Variants in SEC62 observed in about 807,000 individuals in gnomAD.
SEC62 encodes SEC62 preprotein translocation factor.
In SEC62, 10 loss-of-function variants were observed where a neutral mutation model predicts 47.5. The observed-to-expected ratio is 0.21, with a 90% CI of 0.13 to 0.36. The LOEUF (loss-of-function observed/expected upper bound fraction) is 0.36. SEC62 is among the 10% of genes least tolerant of loss of function. SEC62 has a pLI of 1.00. For missense variants in SEC62, 327 were observed against 464.1 expected, an observed-to-expected ratio of 0.70 and a Z score of 2.71; for synonymous variants, 136 against 150.5, an observed-to-expected ratio of 0.90 and a Z score of 0.71.
rs371839467 is a variant in SEC62 at position 169,992,730 on chromosome 3, A to G, written c.867A>G (p.Pro289=). Residue 289 remains proline, a synonymous_variant, in exon 8 of 8, where the codon CCA becomes CCG. Coordinates refer to ENST00000337002, the MANE Select transcript of SEC62 (RefSeq NM_003262.4). This position sits in a 1 kb window ranked among gnomAD's most constrained non-coding sequence, Gnocchi z 4.0. The part of the protein sequence containing the change: ...RPLYTHEYKG[P]KADLKKDEKS... ...TGTACACACATGAATACAAAGGACC[A>G]AAAGCAGACTTAAAGAAAGATGAGA... The G allele has an allele frequency of 1.5e-5, 25 of 1,614,088 alleles. No individual in the cohort carries two copies. In the African/African-American group the frequency reaches 2.9e-4, roughly 19 times the overall value.
At chr3:169,970,114 A>G (rs1196160346) in intron 1 of SEC62, among the ~76,000 whole-genome samples, 1 of 152,200 alleles carries the variant, frequency 6.6e-6, no homozygotes, top group Non-Finnish European at 1.5e-5. Flanking sequence ...TACCCCTCAA[A>G]GGCTTAATGG....
intron 7 of SEC62, among the ~76,000 whole-genome samples, chr3:169,991,508 T>C (rs1354312164): frequency 2.0e-5 from 3 of 151,168 alleles, no homozygotes; most frequent in African/African-American, 7.3e-5. Context: ...AGCCCAGGAG[T>C]TCAAGACCAG....
chr3:169,985,471 A>G (rs1035604171), intron 5 of SEC62: 1 of 164,556 alleles, frequency 6.1e-6, no homozygotes, highest in African/African-American at 2.4e-5. Context: ...TGAACTCCTG[A>G]CCTCAAGTGA....
Position 169,997,860 on chromosome 3 carries a change from G to A in SEC62, c.*4797G>A, listed in dbSNP as rs1267258676. 1.3e-5 allele frequency: 2 copies of A among 152,110 alleles called. No individual in the cohort carries two copies. The highest frequency in any genetic ancestry group is 4.8e-5 in the African/African-American group (2 of 41,376). The allele number at this position is 152,110 out of a possible 1,614,324, so 9.4% of individuals were successfully genotyped here. ...TGTAAGCTACCAAATAATTTATGAT[G>A]TGGTAGTTATAGGTGTGCATTTAAT... On this transcript the variant is annotated 3_prime_UTR_variant, in exon 8 of 8. Coordinates refer to ENST00000337002, the MANE Select transcript of SEC62 (RefSeq NM_003262.4).
rs142267438 is a variant in SEC62, at chr3:169,996,249, G to C, written c.*3186G>C. ...ATTTATCTACCTGGTTTATGGAATA[G>C]AATTTATTGCTGAATCATGCTCCAG... On this transcript the variant is annotated 3_prime_UTR_variant, in exon 8 of 8. Transcript: ENST00000337002. 64 of 152,736 alleles carry C rather than the reference G, an allele frequency of 4.2e-4. No individual in the cohort carries two copies. The highest frequency in any genetic ancestry group is 1.5e-3 in the African/African-American group (62 of 41,578). 9.5% of individuals were successfully genotyped at this position (152,736 alleles called of 1,614,324 possible).
chr3:169,969,099 G>T lies in SEC62; in HGVS notation c.36+2241G>T, dbSNP rs781232404. Among the ~76,000 whole-genome samples the T allele has an allele frequency of 3.5e-4, 53 of 152,084 alleles. 1 individual carries two copies. The highest frequency in any genetic ancestry group is 1.3e-4 in the Non-Finnish European group (9 of 68,010). On this transcript the variant is annotated intron_variant, in intron 1 of 7. Transcript: ENST00000337002. ...AAAGATCCTGTTGTAGAATTTTTAG[G>T]CAAAAGGTCTGTAATACCAACTGAG... is the stretch of plus-strand genomic sequence containing the variant.
intron 5 of SEC62, 54 bp from the exon 6 acceptor site, chr3:169,985,751 C>T: frequency 7.1e-7 from 1 of 1,417,574 alleles, no homozygotes; most frequent in Non-Finnish European, 9.9e-7. Context: ...TTAAGCATTA[C>T]TTTCTAATGT....
chr3:169,985,485 G>C (rs143350235), intron 5 of SEC62: 1 of 171,644 alleles, frequency 5.8e-6, no homozygotes, highest in Non-Finnish European at 1.2e-5. Flanking sequence ...CAAGTGATCT[G>C]CCCGCCTTGG....
At chr3:169,988,056 AATGTT>A (rs1227500128) in intron 6 of SEC62, among the ~76,000 whole-genome samples, 179 bp from the exon 7 acceptor site, 1 of 152,168 alleles carries the variant, frequency 6.6e-6, no homozygotes, top group Non-Finnish European at 1.5e-5. Flanking sequence ...AATAGTATAA[AATGTT>A]AGGTTGAACA....
intron 3 of SEC62, chr3:169,978,484 G>C (rs1714895366): frequency 6.6e-6 from 1 of 152,128 alleles, no homozygotes; most frequent in Admixed American, 6.6e-5. Context: ...CTGACACTTT[G>C]GGAGACCAAG....
intron 1 of SEC62, among the ~76,000 whole-genome samples, chr3:169,973,383 TG>T (rs1308893628): frequency 1.3e-5 from 2 of 152,226 alleles, no homozygotes; most frequent in African/African-American, 4.8e-5. Context: ...AGTTTTTTGC[TG>T]GGCGTGGTGG....
At chr3:169,988,198 G>C (rs1396596939) in intron 6 of SEC62, 42 bp from the exon 7 acceptor site, 2 of 1,609,216 alleles carry the variant, frequency 1.2e-6, no homozygotes, top group Non-Finnish European at 1.7e-6. Flanking sequence ...TACCATTTAA[G>C]TTTTTATTCT....
In SEC62 at chr3:169,992,324, A is replaced by T. The variant is rs1468975; in HGVS notation, c.731-270A>T. ...CCCTAGAATACCGTGATAGCTGCTA[A>T]ACTAGTCAGGAATTTTTTGTTTTCA... On this transcript the variant is annotated intron_variant, in intron 7 of 7. Transcript: ENST00000337002. The surrounding 1 kb of genome is among the most constrained non-coding windows in gnomAD (Gnocchi z 4.0). 0.18 allele frequency among the ~76,000 whole-genome samples: 26,804 copies of T among 152,088 alleles called. 2,513 individuals are homozygous for T. The highest frequency in any genetic ancestry group is 0.23 in the South Asian group (1,100 of 4,828).
chr3:169,987,477 A>G (rs1715137129), intron 6 of SEC62, among the ~76,000 whole-genome samples: 1 of 152,180 alleles, frequency 6.6e-6, no homozygotes, highest in Non-Finnish European at 1.5e-5. Flanking sequence ...TTTGCTAGAT[A>G]TTTTGCGTAC....
chr3:169,979,955 C>T (rs1714931941), intron 3 of SEC62, among the ~76,000 whole-genome samples: 1 of 151,362 alleles, frequency 6.6e-6, no homozygotes, highest in Admixed American at 6.6e-5. Context: ...ACATGTCTGG[C>T]ATTTAATAAA....
intron 1 of SEC62, 90 bp downstream of exon 1, chr3:169,966,948 A>G (rs1480620492): frequency 2.5e-5 from 4 of 161,344 alleles, no homozygotes; most frequent in East Asian, 1.1e-4. Flanking sequence ...AGCGAAAGCA[A>G]GGGCGAGGTG....
chr3:169,983,399 A>G, intron 5 of SEC62, 146 bp downstream of exon 5: 1 of 468,456 alleles, frequency 2.1e-6, no homozygotes. Flanking sequence ...TTAAAAATCA[A>G]TAATTTCTCT....
At chr3:169,982,519 A>G (rs1009466248) in intron 3 of SEC62, 188 bp from the exon 4 acceptor site, 4 of 605,468 alleles carry the variant, frequency 6.6e-6, no homozygotes, top group African/African-American at 5.6e-5. Context: ...CAACTTTTAT[A>G]TAATTGACTG....
At chr3:169,983,372 TA>T (rs1164295000) in intron 5 of SEC62, 119 bp downstream of exon 5, 1 of 480,532 alleles carries the variant, frequency 2.1e-6, no homozygotes, top group African/African-American at 2.0e-5. Flanking sequence ...CTTAAATGTA[TA>T]AAAGCTACTC....
Sources: gnomAD v4.1 joint callset for allele counts (sites outside exome capture counted in the v4.1 genomes callset) on GRCh38, gnomAD v4.1.1 for gene constraint, Gnocchi (gnomAD v3.1) non-coding constraint, MANE v1.5 for transcripts, NCBI Gene and HGNC (gene_info 2026-07-23, HGNC 2026-07-21) for gene names.